FHIT: variants seen among roughly 807,000 people sequenced by gnomAD.
FHIT encodes bis(5'-adenosyl)-triphosphatase.
A neutral mutation model predicts 17.9 loss-of-function variants in FHIT; 19 were observed. The ratio of observed to expected loss-of-function variants is 1.06; its 90% CI spans 0.74 to 1.56. The LOEUF is 1.56. Ranked by LOEUF, FHIT falls within the 40% of genes most tolerant of loss-of-function variation. The probability of loss-of-function intolerance (pLI) is 0.00; values close to 1 mark genes in which losing one functional copy is unlikely to be tolerated. For synonymous variants in FHIT, 81 were observed against 69.7 expected (o/e 1.16, Z -0.81); for missense variants, 248 against 189.2 (o/e 1.31, Z -1.82).
intron 5 of FHIT, among the ~76,000 whole-genome samples, chr3:60,089,751 G>A (rs562062425): frequency 6.6e-6 from 1 of 152,242 alleles, no homozygotes; most frequent in African/African-American, 2.4e-5. Flanking sequence ...TTCTGATGAG[G>A]GTAGTCTTCT....
intron 5 of FHIT, among the ~76,000 whole-genome samples, chr3:60,433,538 T>C (rs1423013916): frequency 6.6e-6 from 1 of 152,102 alleles, no homozygotes; most frequent in Admixed American, 6.6e-5. Flanking sequence ...ACCAACTGTT[T>C]AGAAGGATTC....
At chr3:60,436,759 G>C (rs1204679063) in intron 5 of FHIT, among the ~76,000 whole-genome samples, 1 of 151,894 alleles carries the variant, frequency 6.6e-6, no homozygotes, top group Admixed American at 6.6e-5. Context: ...AGCCAAAAGA[G>C]GTTTCTTTTT....
intron 5 of FHIT, among the ~76,000 whole-genome samples, chr3:60,079,701 T>C (rs1703193105): frequency 1.3e-5 from 2 of 152,052 alleles, no homozygotes. Context: ...AATGGTGAGC[T>C]CTTCCTTACT....
At chr3:59,749,639 T>C (rs968352760) in intron 9 of FHIT, 60 bp from the exon 10 acceptor site, 1 of 228,826 alleles carries the variant, frequency 4.4e-6, no homozygotes, top group African/African-American at 2.2e-5. Flanking sequence ...ATCTTCTCTG[T>C]AGGAACAATG....
intron 3 of FHIT, among the ~76,000 whole-genome samples, chr3:60,950,455 G>A (rs1199147028): frequency 3.3e-5 from 5 of 151,532 alleles, no homozygotes; most frequent in South Asian, 2.1e-4. Context: ...AAATATTAAA[G>A]AAGAAGGCTG....
At chr3:60,536,685 G>A (rs909764929) in intron 5 of FHIT, 175 bp downstream of exon 5, 2 of 561,120 alleles carry the variant, frequency 3.6e-6, no homozygotes, top group Non-Finnish European at 5.7e-6. Context: ...CCACCAACTG[G>A]ATTCAGAATA....
chr3:60,800,094 C>CT (rs1237402223), intron 4 of FHIT, among the ~76,000 whole-genome samples: 3 of 151,610 alleles, frequency 2.0e-5, no homozygotes, highest in South Asian at 2.1e-4. Context: ...ATCAGGGTCC[C>CT]CCAACTAATG....
chr3:60,666,893 A>G (rs1258880949), intron 4 of FHIT, among the ~76,000 whole-genome samples: 3 of 118,854 alleles, frequency 2.5e-5, no homozygotes, highest in Non-Finnish European at 5.0e-5. Context: ...ACAGAGTCTC[A>G]CTTTATTATA....
At chr3:60,033,772 T>C (rs1251125412) in intron 5 of FHIT, among the ~76,000 whole-genome samples, 1 of 152,178 alleles carries the variant, frequency 6.6e-6, no homozygotes, top group Non-Finnish European at 1.5e-5. Context: ...GTCTGAAACA[T>C]TTCAAAATTA....
chr3:59,961,727 C>T (rs905853965), intron 7 of FHIT, among the ~76,000 whole-genome samples: 3 of 152,194 alleles, frequency 2.0e-5, no homozygotes, highest in African/African-American at 7.2e-5. Context: ...TTCCCCTCGC[C>T]CCCTGTGGGC....
rs995354392 is a variant in FHIT at position 61,202,481 on chromosome 3, T to C, written c.-212-1816A>G. On this transcript the variant is annotated intron_variant, in intron 1 of 9. Transcript: ENST00000492590. ...TTTTCTGTTCTTCCCCAAGTTTGCA[T>C]TTTTGACATTAAAGTTTACTTTTTC... is the stretch of plus-strand genomic sequence containing the variant. 2.0e-5 allele frequency among the ~76,000 whole-genome samples: 3 copies of C among 149,938 alleles called. No homozygotes were observed. In the East Asian group the frequency reaches 6.0e-4, roughly 30 times the overall value.
Position 60,377,586 on chromosome 3 carries a change from A to G in FHIT, c.103+159274T>C, listed in dbSNP as rs373471048. Among the ~76,000 whole-genome samples the G allele has an allele frequency of 1.3e-3, 174 of 134,094 alleles. No homozygotes were observed. The South Asian group carries it at 0.02, about 15-fold the overall frequency. 88.0% of individuals were successfully genotyped at this position (134,094 alleles called of 152,430 possible). A position where few individuals can be genotyped will look rare whatever the true frequency, so the allele number is the denominator to read the frequency against. On this transcript the variant is annotated intron_variant, in intron 5 of 9. Transcript: ENST00000492590. ...AAGCTCCGCTTCCCGGGTTCACGCC[A>G]TTCTCCTGCCTCAGCCTCCCGAGTA... is the stretch of plus-strand genomic sequence containing the variant.
intron 8 of FHIT, among the ~76,000 whole-genome samples, chr3:59,918,706 T>G (rs577384551): frequency 1.3e-5 from 2 of 152,200 alleles, no homozygotes; most frequent in African/African-American, 2.4e-5. Context: ...TCAGGAGCTA[T>G]GCATGCACCA....
chr3:60,564,810 T>A (rs936828575), intron 4 of FHIT, among the ~76,000 whole-genome samples: 1 of 152,150 alleles, frequency 6.6e-6, no homozygotes, highest in Admixed American at 6.6e-5. Context: ...GTGAACATTG[T>A]CGAAATGACA....
chr3:60,231,923 G>C (rs13314508), intron 5 of FHIT, among the ~76,000 whole-genome samples: 5,104 of 152,176 alleles, frequency 0.034, 105 homozygotes, highest in Middle Eastern at 0.11. Context: ...CTTAACCATA[G>C]GGCTGAGGCT....
chr3:61,218,262 A>G (rs1338910448), intron 1 of FHIT, among the ~76,000 whole-genome samples: 1 of 152,212 alleles, frequency 6.6e-6, no homozygotes, highest in East Asian at 1.9e-4. Context: ...CCTACATAAG[A>G]GAGAGAACAG....
intron 5 of FHIT, among the ~76,000 whole-genome samples, chr3:60,329,247 T>C (rs970693929): frequency 2.0e-5 from 3 of 152,146 alleles, no homozygotes; most frequent in Non-Finnish European, 4.4e-5. Flanking sequence ...TTAACATTTA[T>C]CGAAGCTTTT....
At chr3:60,730,739 C>A (rs6797892) in intron 4 of FHIT, 9,870 of 152,388 alleles carry the variant, frequency 0.065, 532 homozygotes, top group African/African-American at 0.14. Flanking sequence ...GCACTTTTTG[C>A]TAATCCTAGG....
chr3:59,918,931 G>C (rs1705271306), intron 8 of FHIT, among the ~76,000 whole-genome samples: 1 of 152,188 alleles, frequency 6.6e-6, no homozygotes, highest in South Asian at 2.1e-4. Flanking sequence ...TGAGCTGCAG[G>C]AAAAGCAGGA....
Sources: gnomAD v4.1 joint callset for allele counts (sites outside exome capture counted in the v4.1 genomes callset) on GRCh38, gnomAD v4.1.1 for gene constraint, MANE v1.5 for transcripts, NCBI Gene and HGNC (gene_info 2026-07-23, HGNC 2026-07-21) for gene names.